MRE11: variants seen among roughly 807,000 people sequenced by gnomAD.
MRE11 encodes the protein double-strand break repair protein MRE11.
Under a neutral mutation model 91.7 loss-of-function variants are expected in MRE11, and 62 were observed. That is an observed-to-expected ratio of 0.68 (90% CI 0.55 to 0.84). The LOEUF is 0.84. MRE11 is among the 40% of genes least tolerant of loss of function. The pLI is 0.00. For missense variants in MRE11, 796 were observed against 852.9 expected (o/e 0.93, Z 0.83); for synonymous variants, 273 against 271.4 (o/e 1.01, Z -0.06).
intron 4 of MRE11, among the ~76,000 whole-genome samples, chr11:94,484,913 A>C (rs1263557307): frequency 6.6e-6 from 1 of 152,196 alleles, no homozygotes; most frequent in African/African-American, 2.4e-5. Flanking sequence ...ATCCTGTACA[A>C]TGTTTAAGAC....
intron 10 of MRE11, among the ~76,000 whole-genome samples, chr11:94,465,395 CTTTTTTT>C (rs752729940): frequency 2.3e-5 from 3 of 127,958 alleles, no homozygotes; most frequent in Admixed American, 7.8e-5. Context: ...CTCTCTCTCT[CTTTTTTT>C]TTTTTTTTTT....
chr11:94,448,760 A>G (rs563728602), intron 14 of MRE11, among the ~76,000 whole-genome samples: 1 of 152,240 alleles, frequency 6.6e-6, no homozygotes, highest in East Asian at 1.9e-4. Context: ...GTGCCACTGC[A>G]CTCCAGCCTG....
intron 16 of MRE11, among the ~76,000 whole-genome samples, chr11:94,442,446 G>T (rs1003137615): frequency 1.3e-5 from 2 of 151,906 alleles, no homozygotes; most frequent in African/African-American, 4.8e-5. Flanking sequence ...AAACAAGCCA[G>T]GACACTGGAT....
chr11:94,498,717 CTT>C (rs748060873), upstream of MRE11: 4 of 599,396 alleles, frequency 6.7e-6, no homozygotes, highest in Non-Finnish European at 1.2e-5. Flanking sequence ...TTGCATATAT[CTT>C]TAATTATTTC....
intron 3 of MRE11, among the ~76,000 whole-genome samples, chr11:94,486,448 T>C (rs1947145147): frequency 6.6e-6 from 1 of 152,214 alleles, no homozygotes; most frequent in African/African-American, 2.4e-5. Flanking sequence ...TCAGCATTTA[T>C]TTACAGAATT....
intron 11 of MRE11, among the ~76,000 whole-genome samples, chr11:94,461,805 G>A (rs1946422779): frequency 6.6e-6 from 1 of 152,214 alleles, no homozygotes; most frequent in Admixed American, 6.5e-5. Flanking sequence ...ACCAGGCGCG[G>A]TGGCTCACGC....
At chr11:94,495,730 C>G (rs1009882063), upstream of MRE11, among the ~76,000 whole-genome samples, 7 of 152,154 alleles carry the variant, frequency 4.6e-5, no homozygotes, top group African/African-American at 1.7e-4. Flanking sequence ...TTCTTTAATC[C>G]CTTAGGACTA....
chr11:94,481,802 T>C (rs1947019811), intron 4 of MRE11, among the ~76,000 whole-genome samples: 1 of 152,236 alleles, frequency 6.6e-6, no homozygotes, highest in Non-Finnish European at 1.5e-5. Context: ...AGCATTGTTA[T>C]ACTTCAAATC....
chr11:94,454,319 C>G (rs1399895278), intron 14 of MRE11, among the ~76,000 whole-genome samples: 2 of 152,098 alleles, frequency 1.3e-5, no homozygotes, highest in African/African-American at 4.8e-5. Flanking sequence ...AGAGATCCAC[C>G]TGCCTCGGCC....
At position 94,435,874 on chromosome 11, in the gene MRE11, A is replaced by T. The variant is rs876660120; in HGVS notation, c.1952T>A (p.Val651Glu). 3 of 1,613,966 alleles carry T rather than the reference A, an allele frequency of 1.9e-6. No homozygotes were observed. In the East Asian group the frequency reaches 6.7e-5, roughly 36 times the overall value. ...SEVIEVDESD[V>E]EEDIFPTTSK... ...AGTGGTAGGAAAAATGTCTTCTTCC[A>T]CATCTGATTCATCTACCTCAATCAC... Residue 651 changes from valine to glutamate, a missense_variant, in exon 18 of 20, where the codon GTG becomes GAG. Val to Glu is a moderately radical substitution (Grantham distance 121). Coordinates refer to ENST00000323929, the MANE Select transcript of MRE11 (RefSeq NM_005591.4).
intron 2 of MRE11, 76 bp from the exon 3 acceptor site, chr11:94,491,041 T>A (rs560756378): frequency 1.1e-6 from 1 of 927,400 alleles, no homozygotes; most frequent in South Asian, 1.5e-5. Flanking sequence ...GAGACAAACT[T>A]ATAAAATAAA....
chr11:94,437,435 C>A (rs775930951), intron 16 of MRE11, among the ~76,000 whole-genome samples, 200 bp from the exon 17 acceptor site: 1 of 152,182 alleles, frequency 6.6e-6, no homozygotes, highest in South Asian at 2.1e-4. Context: ...AACTGTCAGT[C>A]TCATTATTTC....
chr11:94,450,378 T>A (rs751177377), intron 14 of MRE11, among the ~76,000 whole-genome samples: 1 of 152,182 alleles, frequency 6.6e-6, no homozygotes, highest in African/African-American at 2.4e-5. Context: ...AGAAAAAAGA[T>A]GATCTAAATC....
Position 94,459,537 on chromosome 11 carries a change from T to C in MRE11, c.1371A>G (p.Ala457=), listed in dbSNP as rs983931792. 1 of 1,614,118 alleles carries C rather than the reference T, an allele frequency of 6.2e-7. No homozygotes were observed. The highest frequency in any genetic ancestry group is 1.7e-5 in the Admixed American group (1 of 60,026). ...SLLTERGMGE[A]VQEFVDKEEK... ...CCTCCTTGTCCACAAATTCTTGTAC[T>C]GCTTCACCCATCCCTCTTTCTGTTA... Residue 457 remains alanine (A), a synonymous_variant, in exon 13 of 20, where the codon GCA becomes GCG. Coordinates refer to ENST00000323929, the MANE Select transcript of MRE11 (RefSeq NM_005591.4).
chr11:94,490,909 A>G lies in MRE11; in HGVS notation c.77T>C (p.Met26Thr), dbSNP rs372068015. Residue 26 changes from methionine to threonine, a missense_variant, in exon 3 of 20, where the codon ATG becomes ACG. Physicochemically the swap from Met to Thr is moderately conservative, Grantham distance 81. Coordinates refer to ENST00000323929, the MANE Select transcript of MRE11 (RefSeq NM_005591.4). ...LVATDIHLGF[M>T]EKDAVRGNDT... ...ATTTCCTCTGACTGCATCTTTCTCC[A>G]TAAATCCAAGATGAATATCTGTTGC... 28 of 1,595,380 alleles carry G rather than the reference A, an allele frequency of 1.8e-5. No individual in the cohort carries two copies. The highest frequency in any genetic ancestry group is 2.2e-5 in the East Asian group (1 of 44,736).
intron 19 of MRE11, among the ~76,000 whole-genome samples, chr11:94,420,631 T>C (rs1945145399): frequency 6.6e-6 from 1 of 152,248 alleles, no homozygotes; most frequent in Admixed American, 6.5e-5. Context: ...TACCATTTAA[T>C]ACTAGAAATA....
chr11:94,418,106 AC>A lies in MRE11; in HGVS notation c.*2018del. The A allele has an allele frequency of 4.3e-6, 1 of 233,108 alleles. No homozygotes were observed. The highest frequency in any genetic ancestry group is 8.5e-6 in the Non-Finnish European group (1 of 117,966). The allele number at this position is 233,108 out of a possible 1,614,324, so 14.4% of individuals were successfully genotyped here. A position where few individuals can be genotyped will look rare whatever the true frequency, so the allele number is the denominator to read the frequency against. On this transcript the variant is annotated 3_prime_UTR_variant, in exon 20 of 20. Coordinates refer to ENST00000323929, the MANE Select transcript of MRE11 (RefSeq NM_005591.4). ...CCAACAGGTCTGAAAATTGTTAGAAACAAAAAACAAAACTCCCCTAAAACCA... is the reference window on the plus strand; with the variant it reads ...CCAACAGGTCTGAAAATTGTTAGAAAAAAAAACAAAACTCCCCTAAAACCA...
At chr11:94,423,984 G>A (rs1031589504) in intron 19 of MRE11, among the ~76,000 whole-genome samples, 1 of 152,184 alleles carries the variant, frequency 6.6e-6, no homozygotes, top group African/African-American at 2.4e-5. Flanking sequence ...CTGTCTGGCA[G>A]CCATGGCCTC....
At chr11:94,493,345 A>G (rs2135151872) in intron 1 of MRE11, among the ~76,000 whole-genome samples, 1 of 152,228 alleles carries the variant, frequency 6.6e-6, no homozygotes, top group African/African-American at 2.4e-5. Context: ...GCTAGTTTGG[A>G]AAAGGGAACG....
Sources: gnomAD v4.1 joint callset for allele counts (sites outside exome capture counted in the v4.1 genomes callset) on GRCh38, gnomAD v4.1.1 for gene constraint, MANE v1.5 for transcripts, NCBI Gene and HGNC (gene_info 2026-07-23, HGNC 2026-07-21) for gene names.